The following CSGALNACT1 variants were observed in gnomAD, a reference collection of about 807,000 sequenced individuals.
CSGALNACT1 encodes the protein chondroitin sulfate N-acetylgalactosaminyltransferase 1.
In CSGALNACT1, 52 loss-of-function variants were observed where a neutral mutation model predicts 51.0. That is an observed-to-expected ratio of 1.02 (90% CI 0.82 to 1.29). The LOEUF is 1.29. Ranked by LOEUF, CSGALNACT1 falls within the 50% of genes most tolerant of loss-of-function variation. CSGALNACT1 has a pLI of 0.00. For synonymous variants in CSGALNACT1, 341 were observed against 254.4 expected (o/e 1.34, Z -3.24); for missense variants, 935 against 679.2 (o/e 1.38, Z -4.19).
At chr8:19,487,168 T>G (rs1176925242) in intron 4 of CSGALNACT1, among the ~76,000 whole-genome samples, 2 of 152,232 alleles carry the variant, frequency 1.3e-5, no homozygotes, top group Non-Finnish European at 1.5e-5. Flanking sequence ...CAAAAGCTTT[T>G]GCTTTAACAT....
rs556898695 is a variant in CSGALNACT1, at chr8:19,635,504, G to T, written c.-543-33639C>A. On this transcript the variant is annotated intron_variant, in intron 1 of 9. Coordinates refer to the CSGALNACT1 transcript ENST00000332246. Reference sequence around the variant, plus strand: ...CTGTTAGTGTCAGGGGCTTAGGGGTGAACCTCGGCTGCTTCTGTGTCCAAC... The same window carrying T: ...CTGTTAGTGTCAGGGGCTTAGGGGTTAACCTCGGCTGCTTCTGTGTCCAAC... Among the ~76,000 whole-genome samples, 9 of 152,292 alleles carry T rather than the reference G, an allele frequency of 5.9e-5. 1 individual carries two copies. The South Asian group carries it at 1.9e-3, about 32-fold the overall frequency.
At chr8:19,501,334 A>G (rs75873236) in intron 4 of CSGALNACT1, among the ~76,000 whole-genome samples, 22,315 of 151,946 alleles carry the variant, frequency 0.15, 1,738 homozygotes, top group Middle Eastern at 0.22. Flanking sequence ...TCCCTTATAT[A>G]TATGACAGAG....
intron 1 of CSGALNACT1, among the ~76,000 whole-genome samples, chr8:19,656,345 A>G (rs756454018): frequency 1.3e-5 from 2 of 152,196 alleles, no homozygotes; most frequent in Non-Finnish European, 2.9e-5. Context: ...CTCTAGTCCA[A>G]TTCACCATTT....
At chr8:19,460,643 G>A (rs1308870413) in intron 4 of CSGALNACT1, among the ~76,000 whole-genome samples, 3 of 152,218 alleles carry the variant, frequency 2.0e-5, no homozygotes, top group Non-Finnish European at 2.9e-5. Flanking sequence ...TTCAGTTACA[G>A]TGACACGGCA....
intron 1 of CSGALNACT1, among the ~76,000 whole-genome samples, chr8:19,756,355 C>A (rs1444076786): frequency 6.6e-6 from 1 of 152,144 alleles, no homozygotes; most frequent in Non-Finnish European, 1.5e-5. Context: ...TTAACCACTC[C>A]ATGCTTTTTA....
intron 8 of CSGALNACT1, among the ~76,000 whole-genome samples, chr8:19,409,486 CAT>C (rs3839879): frequency 0.2 from 29,193 of 147,680 alleles, 3,230 homozygotes; most frequent in Middle Eastern, 0.27. Flanking sequence ...TGCATGTGTA[CAT>C]ATATATATAT....
intron 3 of CSGALNACT1, among the ~76,000 whole-genome samples, chr8:19,524,640 C>A (rs763162354): frequency 6.6e-6 from 1 of 151,840 alleles, no homozygotes; most frequent in Non-Finnish European, 1.5e-5. Context: ...TGCAATTATC[C>A]TGTGGAGTGG....
chr8:19,683,352 G>T (rs948244997), upstream of CSGALNACT1: 1 of 152,154 alleles, frequency 6.6e-6, no homozygotes, highest in African/African-American at 2.4e-5. Context: ...CAGGATCTTG[G>T]TCATGAGAAA....
intron 4 of CSGALNACT1, among the ~76,000 whole-genome samples, chr8:19,486,704 C>A (rs536981718): frequency 2.6e-4 from 39 of 152,298 alleles, no homozygotes; most frequent in Non-Finnish European, 5.3e-4. Flanking sequence ...GTATTATCGT[C>A]CACTGAAGCC....
intron 1 of CSGALNACT1, among the ~76,000 whole-genome samples, chr8:19,648,892 G>T (rs1322684877): frequency 6.6e-6 from 1 of 152,164 alleles, no homozygotes; most frequent in Admixed American, 6.5e-5. Flanking sequence ...GAATACAGTA[G>T]AGACTTCAGA....
At chr8:19,746,302 T>G (rs1367265977) in intron 1 of CSGALNACT1, among the ~76,000 whole-genome samples, 1 of 152,080 alleles carries the variant, frequency 6.6e-6, no homozygotes, top group Non-Finnish European at 1.5e-5. Context: ...AGGCATACAG[T>G]AGAAGTCCAA....
intron 5 of CSGALNACT1, among the ~76,000 whole-genome samples, chr8:19,443,855 CATG>C (rs1283928343): frequency 9.2e-5 from 14 of 152,098 alleles, no homozygotes; most frequent in African/African-American, 3.4e-4. Flanking sequence ...GGACCAGTTT[CATG>C]GAAGACAATT....
intron 4 of CSGALNACT1, among the ~76,000 whole-genome samples, chr8:19,469,724 T>C (rs951434110): frequency 3.3e-5 from 5 of 152,276 alleles, no homozygotes; most frequent in African/African-American, 1.2e-4. Context: ...CTACTCTCAG[T>C]CTCTGAAGCC....
intron 1 of CSGALNACT1, among the ~76,000 whole-genome samples, chr8:19,721,657 T>C (rs1318769314): frequency 6.6e-6 from 1 of 152,184 alleles, no homozygotes; most frequent in Non-Finnish European, 1.5e-5. Flanking sequence ...AACACAGAAT[T>C]CTGTCTGTCA....
intron 4 of CSGALNACT1, among the ~76,000 whole-genome samples, chr8:19,459,873 C>A (rs1563516221): frequency 1.3e-5 from 2 of 152,144 alleles, no homozygotes; most frequent in African/African-American, 2.4e-5. Flanking sequence ...AGGGACCGTG[C>A]AAACTGTGTC....
chr8:19,679,842 C>A (rs1589468879), intron 1 of CSGALNACT1, among the ~76,000 whole-genome samples: 1 of 152,162 alleles, frequency 6.6e-6, no homozygotes, highest in Admixed American at 6.5e-5. Context: ...ATAGAAATAA[C>A]TTCACACACT....
intron 3 of CSGALNACT1, among the ~76,000 whole-genome samples, chr8:19,554,713 T>G (rs376510666): frequency 6.6e-6 from 1 of 150,666 alleles, no homozygotes; most frequent in East Asian, 2.0e-4. Context: ...AGGTCAGGAG[T>G]TCAAGACCAG....
chr8:19,624,782 G>A (rs930737273), intron 1 of CSGALNACT1, among the ~76,000 whole-genome samples: 6 of 151,812 alleles, frequency 4.0e-5, no homozygotes, highest in South Asian at 2.1e-4. Context: ...GGGTTCAAGC[G>A]ATTCTCCTGC....
intron 1 of CSGALNACT1, among the ~76,000 whole-genome samples, chr8:19,625,139 T>C (rs992452541): frequency 6.6e-6 from 1 of 152,144 alleles, no homozygotes; most frequent in Non-Finnish European, 1.5e-5. Context: ...ATCACAACCC[T>C]ACCTAGATGG....
Sources: allele counts gnomAD v4.1 joint callset (sites outside exome capture counted in the v4.1 genomes callset), GRCh38; gene constraint gnomAD v4.1.1; transcripts MANE v1.5; gene names NCBI Gene and HGNC (gene_info 2026-07-23, HGNC 2026-07-21).